Variants in GRID2 observed in about 807,000 individuals in gnomAD.
The protein encoded by GRID2 is glutamate ionotropic receptor delta type subunit 2.
Under a neutral mutation model 114.8 loss-of-function variants are expected in GRID2, and 33 were observed. The ratio of observed to expected loss-of-function variants is 0.29; its 90% confidence interval spans 0.22 to 0.38. The LOEUF (loss-of-function observed/expected upper bound fraction) is 0.38. Among genes scored for constraint, GRID2 ranks in the 10% least tolerant of loss-of-function variants. GRID2 has a pLI of 1.00. For synonymous variants in GRID2, 505 were observed against 449.9 expected, an observed-to-expected ratio of 1.12 and a Z score of -1.55; for missense variants, 1,184 against 1,257.7, an observed-to-expected ratio of 0.94 and a Z score of 0.89.
At chr4:92,946,436 G>C (rs1211639814) in intron 2 of GRID2, among the ~76,000 whole-genome samples, 1 of 151,788 alleles carries the variant, frequency 6.6e-6, no homozygotes, top group African/African-American at 2.4e-5. Flanking sequence ...TATTTCTTCA[G>C]AATTTCACTT....
chr4:93,776,547 T>A (rs1734373724), downstream of GRID2, among the ~76,000 whole-genome samples: 1 of 152,186 alleles, frequency 6.6e-6, no homozygotes, highest in South Asian at 2.1e-4. Flanking sequence ...CCAACACTCA[T>A]CTCTTTCCTG....
intron 1 of GRID2, among the ~76,000 whole-genome samples, chr4:92,549,360 C>T (rs1726460817): frequency 6.6e-6 from 1 of 152,088 alleles, no homozygotes. Flanking sequence ...CACACCATGT[C>T]ACCATGTTGT....
chr4:93,084,715 C>A (rs1346023539), intron 2 of GRID2, among the ~76,000 whole-genome samples: 1 of 152,144 alleles, frequency 6.6e-6, no homozygotes. Context: ...TTGCAATAAT[C>A]CTGCGAGATT....
intron 1 of GRID2, among the ~76,000 whole-genome samples, chr4:92,497,924 T>C (rs1222138119): frequency 1.3e-5 from 2 of 151,868 alleles, no homozygotes; most frequent in Non-Finnish European, 3.0e-5. Context: ...AAGTGACTTC[T>C]TAAATCTTAG....
chr4:93,038,529 G>A (rs759114180), intron 2 of GRID2, among the ~76,000 whole-genome samples: 2 of 152,202 alleles, frequency 1.3e-5, no homozygotes, highest in Non-Finnish European at 2.9e-5. Context: ...GGTGGCTCAC[G>A]CCTGTAATCT....
chr4:93,257,085 G>A (rs184739597), intron 8 of GRID2, among the ~76,000 whole-genome samples: 9 of 151,928 alleles, frequency 5.9e-5, no homozygotes, highest in Non-Finnish European at 1.0e-4. Flanking sequence ...TAACGTTTAA[G>A]TCAATAATAA....
In GRID2 at chr4:92,392,818, C is replaced by T. The variant is rs191373033; in HGVS notation, c.88+88074C>T. Among the ~76,000 whole-genome samples, 42 of 152,230 alleles carry T rather than the reference C, an allele frequency of 2.8e-4. No individual in the cohort carries two copies. In the East Asian group the frequency reaches 7.1e-3, roughly 26 times the overall value. On this transcript the variant is annotated intron_variant, in intron 1 of 15. Transcript: ENST00000282020. ...ATATTTTTCATAAATATTTCTTTAT[C>T]GCCTTCCTTACCCTGCGTTACTGAA...
At chr4:93,404,719 G>A (rs972303601) in intron 9 of GRID2, among the ~76,000 whole-genome samples, 11 of 151,986 alleles carry the variant, frequency 7.2e-5, no homozygotes, top group Non-Finnish European at 1.3e-4. Flanking sequence ...TAAGGCAGTC[G>A]GCAAGGCTTA....
chr4:92,396,179 T>G (rs1206879384), intron 1 of GRID2, among the ~76,000 whole-genome samples: 1 of 151,902 alleles, frequency 6.6e-6, no homozygotes, highest in Non-Finnish European at 1.5e-5. Context: ...GCACTGTAAA[T>G]TAAAGCATTA....
chr4:92,616,242 C>G (rs1729998178), intron 2 of GRID2, among the ~76,000 whole-genome samples: 2 of 150,934 alleles, frequency 1.3e-5, no homozygotes, highest in South Asian at 4.2e-4. Flanking sequence ...GGATAGTTTT[C>G]CTGGATGTAG....
At chr4:93,373,470 ATCTTAT>A (rs1364408226) in intron 8 of GRID2, among the ~76,000 whole-genome samples, 4 of 152,164 alleles carry the variant, frequency 2.6e-5, no homozygotes, top group Admixed American at 2.0e-4. Context: ...ACTACTGATT[ATCTTAT>A]TCTTATTTAT....
intron 2 of GRID2, among the ~76,000 whole-genome samples, chr4:92,775,936 C>T (rs1738771049): frequency 6.6e-6 from 1 of 152,050 alleles, no homozygotes; most frequent in Non-Finnish European, 1.5e-5. Flanking sequence ...AATGCATACA[C>T]TATGTTTAAG....
chr4:93,783,178 C>T (rs961082844), intron 1 of GRID2, among the ~76,000 whole-genome samples: 1 of 152,242 alleles, frequency 6.6e-6, no homozygotes, highest in Non-Finnish European at 1.5e-5. Context: ...GGCATGCTGA[C>T]CAGGTGCCAG....
intron 2 of GRID2, among the ~76,000 whole-genome samples, chr4:93,046,952 C>A (rs1420504220): frequency 6.6e-6 from 1 of 151,924 alleles, no homozygotes; most frequent in African/African-American, 2.4e-5. Context: ...CACTTGACAT[C>A]AGCCATGTAA....
intron 6 of GRID2, among the ~76,000 whole-genome samples, chr4:93,222,279 G>C (rs1458342775): frequency 6.6e-6 from 1 of 152,018 alleles, no homozygotes; most frequent in Non-Finnish European, 1.5e-5. Context: ...TGCACTGTGT[G>C]TTCCGGTAGA....
At chr4:92,322,108 C>A (rs1245466277) in intron 1 of GRID2, among the ~76,000 whole-genome samples, 1 of 152,080 alleles carries the variant, frequency 6.6e-6, no homozygotes, top group Non-Finnish European at 1.5e-5. Flanking sequence ...AATAGGGTTC[C>A]CTGTTTATCC....
chr4:93,086,999 A>G (rs1464494081), intron 3 of GRID2, among the ~76,000 whole-genome samples: 2 of 150,172 alleles, frequency 1.3e-5, no homozygotes, highest in Non-Finnish European at 3.0e-5. Context: ...AACAATTTTC[A>G]GTTAGTACTA....
chr4:93,590,265 C>T (rs1191293996), intron 13 of GRID2, among the ~76,000 whole-genome samples: 1 of 150,478 alleles, frequency 6.6e-6, no homozygotes, highest in African/African-American at 2.4e-5. Context: ...TTTCAGCTTT[C>T]TACATATGGC....
rs970913139 is a variant in GRID2, at chr4:93,757,478, C to A, written c.2361-11732C>A. 2.0e-5 allele frequency among the ~76,000 whole-genome samples: 3 copies of A among 152,224 alleles called. No individual in the cohort carries two copies. In the South Asian group the frequency reaches 6.2e-4, roughly 31 times the overall value. ...ATTCCTAATTTCTCATCTAAGACAA[C>A]ACTTACTCCAAAATGTTGTTCCTAA... On this transcript the variant is annotated intron_variant, in intron 14 of 15. Coordinates refer to ENST00000282020, the MANE Select transcript of GRID2 (RefSeq NM_001510.4).
Sources: allele counts gnomAD v4.1 joint callset (sites outside exome capture counted in the v4.1 genomes callset), GRCh38; gene constraint gnomAD v4.1.1; transcripts MANE v1.5; gene names NCBI Gene and HGNC (gene_info 2026-07-23, HGNC 2026-07-21).